The following SCN10A variants were observed in gnomAD, a reference collection of about 807,000 sequenced individuals.
The protein encoded by SCN10A is sodium channel protein type 10 subunit alpha.
In SCN10A, 162 loss-of-function variants were observed where a neutral mutation model predicts 170.7. That is an observed-to-expected ratio of 0.95 (90% CI 0.84 to 1.08). The LOEUF is 1.08. Among genes scored for constraint, SCN10A ranks in the 50% least tolerant of loss-of-function variants. SCN10A has a pLI of 0.00. For missense variants in SCN10A, 2,527 were observed against 2,436.9 expected, an observed-to-expected ratio of 1.04 and a Z score of -0.78; for synonymous variants, 985 against 904.6, an observed-to-expected ratio of 1.09 and a Z score of -1.59.
chr3:38,812,892 A>T (rs566431506), intron 1 of SCN10A, among the ~76,000 whole-genome samples: 1 of 151,898 alleles, frequency 6.6e-6, no homozygotes, highest in Non-Finnish European at 1.5e-5. Context: ...AATTTTTCCA[A>T]GTGTGGTGGA....
chr3:38,728,498 C>G (rs778112566), intron 16 of SCN10A, 44 bp downstream of exon 16: 1 of 1,509,684 alleles, frequency 6.6e-7, no homozygotes, highest in South Asian at 1.4e-5. Flanking sequence ...GAAGCCTTCT[C>G]CTTTCCCCAG....
At position 38,755,940 on chromosome 3, in the gene SCN10A, T is replaced by G. The variant is rs772406653; in HGVS notation, c.1309A>C (p.Ile437Leu). 6.2e-7 allele frequency: 1 copy of G among 1,614,214 alleles called. No homozygotes were observed. Among genetic ancestry groups the G allele is most frequent in the Non-Finnish European group, 8.5e-7 (1 of 1,180,034 alleles). ...TGGGAGTGGAGAGAGGTTGTGTCAA[T>G]CCCTAGTGCTGCTAGCACCTGCGAA... is the stretch of plus-strand genomic sequence containing the variant. ...KEQEVLAALG[I>L]DTTSLHSHNG... The change falls in exon 11 of 28, where the codon ATT (isoleucine) becomes CTT (leucine). Residue 437 changes from isoleucine to leucine, a missense_variant. Ile to Leu is a conservative substitution (Grantham distance 5, BLOSUM62 2). Coordinates refer to ENST00000449082, the MANE Select transcript of SCN10A (RefSeq NM_006514.4).
intron 4 of SCN10A, among the ~76,000 whole-genome samples, chr3:38,782,446 C>T (rs573403776): frequency 2.0e-5 from 3 of 152,110 alleles, no homozygotes; most frequent in African/African-American, 7.2e-5. Context: ...CATCATTTGT[C>T]CTCTGTGTTT....
rs969702527 is a variant in SCN10A at position 38,757,012 on chromosome 3, C to T, written c.1092+6G>A. The T allele has an allele frequency of 1.9e-6, 3 of 1,607,902 alleles. No individual in the cohort carries two copies. The highest frequency in any genetic ancestry group is 2.7e-5 in the African/African-American group (2 of 74,760). The stretch of plus-strand genomic sequence containing the variant: ...CAAGTCTGCGTGGGGGAATGCAGCT[C>T]AGTACCTGCTGGTAGAGGCGTTCCC... On this transcript the variant is annotated splice_donor_region_variant and intron_variant, in intron 9 of 27. Coordinates refer to ENST00000449082, the MANE Select transcript of SCN10A (RefSeq NM_006514.4).
intron 15 of SCN10A, among the ~76,000 whole-genome samples, chr3:38,737,539 C>T (rs772798048): frequency 3.3e-5 from 5 of 152,176 alleles, no homozygotes; most frequent in African/African-American, 4.8e-5. Flanking sequence ...GTACCATCAG[C>T]TTAGGCAGAT....
rs2063799668 is a variant in SCN10A at position 38,755,947 on chromosome 3, T to C, written c.1302A>G (p.Ala434=). The C allele has an allele frequency of 1.2e-5, 19 of 1,614,208 alleles. No individual in the cohort carries two copies. Among genetic ancestry groups the C allele is most frequent in the Non-Finnish European group, 1.6e-5 (19 of 1,180,024 alleles). ...GGAGAGAGGTTGTGTCAATCCCTAG[T>C]GCTGCTAGCACCTGCGAAGAGAGAA... is the stretch of plus-strand genomic sequence containing the variant. The part of the protein sequence containing the change: ...MLRKEQEVLA[A]LGIDTTSLHS... Residue 434 remains alanine, a synonymous_variant, in exon 11 of 28, where the codon GCA becomes GCG. Transcript: ENST00000449082.
chr3:38,790,785 G>T (rs1404008691), intron 3 of SCN10A, among the ~76,000 whole-genome samples: 1 of 152,080 alleles, frequency 6.6e-6, no homozygotes, highest in African/African-American at 2.4e-5. Flanking sequence ...GTAAAATGGG[G>T]ATGGTAATCT....
chr3:38,809,637 C>T (rs1396471455), intron 1 of SCN10A, among the ~76,000 whole-genome samples: 2 of 152,100 alleles, frequency 1.3e-5, no homozygotes, highest in Non-Finnish European at 2.9e-5. Context: ...TAATAAACCC[C>T]ATGTTCAGTC....
chr3:38,761,286 C>T lies in SCN10A; in HGVS notation c.789G>A (p.Val263=). 1 of 1,614,002 alleles carries T rather than the reference C, an allele frequency of 6.2e-7. No individual in the cohort carries two copies. Among genetic ancestry groups the T allele is most frequent in the South Asian group, 1.1e-5 (1 of 91,034 alleles). The stretch of plus-strand genomic sequence containing the variant: ...GGTTGCCCTTGAAGAGTTGCAGCCC[C>T]ACCAAGGCAAAAACACTTAGGCAGA... ...TIFCLSVFAL[V]GLQLFKGNLK... is the part of the protein sequence containing the mutation. The change falls in exon 7 of 28, where the codon GTG becomes GTA. Residue 263 remains valine (V), a synonymous_variant. Transcript: ENST00000449082.
At chr3:38,754,152 C>T (rs1254903076) in intron 11 of SCN10A, among the ~76,000 whole-genome samples, 1 of 152,198 alleles carries the variant, frequency 6.6e-6, no homozygotes, top group Non-Finnish European at 1.5e-5. Context: ...CCTCCCCAAA[C>T]TCTCTCAAGT....
At chr3:38,716,862 G>A (rs931727935) in intron 21 of SCN10A, among the ~76,000 whole-genome samples, 2 of 152,148 alleles carry the variant, frequency 1.3e-5, no homozygotes, top group Non-Finnish European at 2.9e-5. Context: ...TGAATGACTG[G>A]AAGGTTGATA....
intron 15 of SCN10A, among the ~76,000 whole-genome samples, chr3:38,730,723 A>G (rs2063505576): frequency 6.6e-6 from 1 of 152,170 alleles, no homozygotes; most frequent in African/African-American, 2.4e-5. Flanking sequence ...AATACTTAAA[A>G]TTAAAAATAT....
At chr3:38,708,657 C>T (rs530838760) in intron 25 of SCN10A, among the ~76,000 whole-genome samples, 3 of 152,324 alleles carry the variant, frequency 2.0e-5, no homozygotes, top group Admixed American at 6.5e-5. Context: ...GTCTTATGCT[C>T]AGTGATCTTT....
chr3:38,710,703 G>A (rs1267270572), intron 24 of SCN10A, 141 bp downstream of exon 24: 1 of 760,240 alleles, frequency 1.3e-6, no homozygotes, highest in Non-Finnish European at 2.2e-6. Context: ...GCTGGACACT[G>A]CTGCAAGGAG....
At chr3:38,748,949 A>T (rs2063720670) in intron 13 of SCN10A, among the ~76,000 whole-genome samples, 1 of 151,840 alleles carries the variant, frequency 6.6e-6, no homozygotes, top group Non-Finnish European at 1.5e-5. Context: ...AAGTAGCATC[A>T]CCCCCCAGAT....
intron 1 of SCN10A, among the ~76,000 whole-genome samples, chr3:38,794,577 G>A (rs2064325618): frequency 6.6e-6 from 1 of 152,110 alleles, no homozygotes; most frequent in Non-Finnish European, 1.5e-5. Flanking sequence ...ATTTCTCTGG[G>A]ACCTCCAGGT....
Position 38,722,359 on chromosome 3 carries a change from C to A in SCN10A, c.3406G>T (p.Asp1136Tyr), listed in dbSNP as rs2063399491. 1.9e-6 allele frequency: 3 copies of A among 1,614,008 alleles called. No individual in the cohort carries two copies. Among genetic ancestry groups the A allele is most frequent in the Non-Finnish European group, 2.5e-6 (3 of 1,180,020 alleles). ...GTCTTGCGCACCTGCCAGCCCACATCCCATGGACTCTTGGTGGTATCCAGT... is the reference window on the plus strand; with the variant it reads ...GTCTTGCGCACCTGCCAGCCCACATACCATGGACTCTTGGTGGTATCCAGT... ...CKLDTTKSPW[D>Y]VGWQVRKTCY... Residue 1136 changes from aspartate (D) to tyrosine (Y), a missense_variant, in exon 20 of 28, where the codon GAT becomes TAT. Coordinates refer to ENST00000449082, the MANE Select transcript of SCN10A (RefSeq NM_006514.4).
intron 13 of SCN10A, among the ~76,000 whole-genome samples, chr3:38,743,675 T>C (rs548766538): frequency 1.7e-3 from 262 of 152,320 alleles, no homozygotes; most frequent in African/African-American, 5.8e-3. Context: ...GACTGCATCA[T>C]CTCTTGCTTT....
chr3:38,812,525 A>G (rs1301518732), intron 1 of SCN10A, among the ~76,000 whole-genome samples: 1 of 152,154 alleles, frequency 6.6e-6, no homozygotes, highest in African/African-American at 2.4e-5. Context: ...CTTTTTAAAA[A>G]ACATATGCAA....
Sources: gnomAD v4.1 joint callset for allele counts (sites outside exome capture counted in the v4.1 genomes callset) on GRCh38, gnomAD v4.1.1 for gene constraint, MANE v1.5 for transcripts, NCBI Gene and HGNC (gene_info 2026-07-23, HGNC 2026-07-21) for gene names.